SLC4A4: variants seen among roughly 807,000 people sequenced by gnomAD.
SLC4A4 encodes solute carrier family 4 member 4, also known as electrogenic sodium bicarbonate cotransporter 1.
In SLC4A4, 27 loss-of-function variants were observed where a neutral mutation model predicts 111.5. The observed-to-expected ratio is 0.24, with a 90% CI of 0.18 to 0.33. SLC4A4 has a LOEUF of 0.33. Ranked by LOEUF, SLC4A4 falls within the 10% of genes least tolerant of loss-of-function variation. The probability of loss-of-function intolerance (pLI) is 1.00; values close to 1 mark genes in which losing one functional copy is unlikely to be tolerated. For synonymous variants in SLC4A4, 443 were observed against 463.4 expected, an observed-to-expected ratio of 0.96 and a Z score of 0.57; for missense variants, 909 against 1,315.5, an observed-to-expected ratio of 0.69 and a Z score of 4.78.
chr4:71,459,566 A>G (rs930378905), intron 12 of SLC4A4, among the ~76,000 whole-genome samples: 1 of 152,050 alleles, frequency 6.6e-6, no homozygotes, highest in African/African-American at 2.4e-5. Context: ...CACATGATGC[A>G]TGTGCTATTA....
chr4:71,157,118 A>G (rs1744499392), intron 2 of SLC4A4, among the ~76,000 whole-genome samples: 1 of 152,158 alleles, frequency 6.6e-6, no homozygotes, highest in South Asian at 2.1e-4. Flanking sequence ...CCAACCTGCA[A>G]TTATGGAAGG....
chr4:71,133,545 G>A (rs952568019), intron 2 of SLC4A4, among the ~76,000 whole-genome samples: 2 of 152,186 alleles, frequency 1.3e-5, no homozygotes, highest in Admixed American at 6.5e-5. Flanking sequence ...AAGTGGTCCA[G>A]GGTAGTCGTA....
At chr4:71,434,592 T>A (rs1049798619) in intron 7 of SLC4A4, 3 of 151,930 alleles carry the variant, frequency 2.0e-5, no homozygotes, top group African/African-American at 7.2e-5. Flanking sequence ...GGAAACTGGA[T>A]GCACCCTCTT....
At chr4:71,503,735 A>G (rs1731149771) in intron 16 of SLC4A4, among the ~76,000 whole-genome samples, 1 of 152,180 alleles carries the variant, frequency 6.6e-6, no homozygotes, top group Non-Finnish European at 1.5e-5. Context: ...TAGCACCATT[A>G]TAATTCTGTG....
chr4:71,314,418 T>C (rs566384514), intron 3 of SLC4A4, among the ~76,000 whole-genome samples: 15 of 152,326 alleles, frequency 9.8e-5, no homozygotes, highest in Middle Eastern at 3.4e-3. Context: ...CATTACTGGG[T>C]ATATACCCAA....
At position 71,134,024 on chromosome 4, in the gene SLC4A4, G is replaced by A. The variant is rs72858501; in HGVS notation, c.-2+41232G>A. On this transcript the variant is annotated intron_variant, in intron 2 of 26. Transcript: ENST00000649996. Reference sequence around the variant, plus strand: ...GAGTCCTGAATGCATTGAGGTATACGGGATGGTGTGCCAAGGAGGTGGGGA... The same window carrying A: ...GAGTCCTGAATGCATTGAGGTATACAGGATGGTGTGCCAAGGAGGTGGGGA... 6.8e-3 allele frequency among the ~76,000 whole-genome samples: 1,034 copies of A among 152,196 alleles called. 19 individuals are homozygous for A. The highest frequency in any genetic ancestry group is 0.024 in the African/African-American group (995 of 41,546).
At chr4:71,210,480 A>G (rs1378230659) in intron 1 of SLC4A4, among the ~76,000 whole-genome samples, 1 of 152,234 alleles carries the variant, frequency 6.6e-6, no homozygotes, top group South Asian at 2.1e-4. Flanking sequence ...AATGCATTGT[A>G]TGTGTTAAAA....
intron 6 of SLC4A4, among the ~76,000 whole-genome samples, chr4:71,358,150 T>TA (rs1033255120): frequency 5.3e-5 from 8 of 152,074 alleles, no homozygotes; most frequent in African/African-American, 1.9e-4. Flanking sequence ...CCATCTCTAC[T>TA]AAAAAATTAC....
chr4:71,536,099 T>C (rs1443078816), intron 18 of SLC4A4, among the ~76,000 whole-genome samples: 1 of 152,070 alleles, frequency 6.6e-6, no homozygotes, highest in Non-Finnish European at 1.5e-5. Context: ...CACATTCTGG[T>C]AATGTTGGGT....
At chr4:71,459,222 G>T (rs960044932) in intron 12 of SLC4A4, among the ~76,000 whole-genome samples, 2 of 151,904 alleles carry the variant, frequency 1.3e-5, no homozygotes, top group Admixed American at 6.6e-5. Flanking sequence ...AGTGATTTAG[G>T]CAGGGATGTG....
At chr4:71,119,080 A>C (rs1743348667) in intron 2 of SLC4A4, among the ~76,000 whole-genome samples, 1 of 152,212 alleles carries the variant, frequency 6.6e-6, no homozygotes, top group Non-Finnish European at 1.5e-5. Flanking sequence ...ATGATGTGTC[A>C]ATGTAGGTTC....
chr4:71,262,422 G>A (rs1721927821), intron 3 of SLC4A4, among the ~76,000 whole-genome samples: 1 of 152,164 alleles, frequency 6.6e-6, no homozygotes. Context: ...CCATGGATAG[G>A]AGTCTTACTT....
intron 2 of SLC4A4, among the ~76,000 whole-genome samples, chr4:71,167,464 G>T (rs866604348): frequency 2.0e-4 from 31 of 152,326 alleles, no homozygotes; most frequent in Middle Eastern, 3.4e-3. Flanking sequence ...CCTTTTGAAA[G>T]GGGAGTGGCG....
intron 2 of SLC4A4, among the ~76,000 whole-genome samples, chr4:71,149,764 T>C (rs1002967009): frequency 8.5e-5 from 13 of 152,176 alleles, no homozygotes; most frequent in Non-Finnish European, 1.9e-4. Context: ...TGGATGAGAT[T>C]CACTGTTTAC....
chr4:71,089,432 G>A (rs1385685034), intron 1 of SLC4A4, among the ~76,000 whole-genome samples: 1 of 152,046 alleles, frequency 6.6e-6, no homozygotes, highest in Non-Finnish European at 1.5e-5. Flanking sequence ...TTGTTCCATT[G>A]CTGGTGAGGA....
chr4:71,262,825 A>G (rs1721961464), intron 3 of SLC4A4, among the ~76,000 whole-genome samples: 1 of 151,938 alleles, frequency 6.6e-6, no homozygotes, highest in Non-Finnish European at 1.5e-5. Flanking sequence ...TTCTTTGGGA[A>G]TAGAAAAATG....
At chr4:71,466,957 GA>G (rs1560533796) in intron 13 of SLC4A4, among the ~76,000 whole-genome samples, 29 of 124,536 alleles carry the variant, frequency 2.3e-4, no homozygotes, top group East Asian at 8.8e-4. Context: ...GAGAGAGAGA[GA>G]GAGAGAGGGA....
At chr4:71,264,534 C>T (rs145029815) in intron 3 of SLC4A4, among the ~76,000 whole-genome samples, 102 of 152,160 alleles carry the variant, frequency 6.7e-4, no homozygotes, top group African/African-American at 2.4e-3. Context: ...TAGCTGTGTT[C>T]GTTCAAAGCT....
chr4:71,409,330 C>A (rs1428585108), intron 7 of SLC4A4, among the ~76,000 whole-genome samples: 1 of 152,152 alleles, frequency 6.6e-6, no homozygotes, highest in Non-Finnish European at 1.5e-5. Flanking sequence ...TGTTGAATGG[C>A]ATTGACAAAA....
Sources: gnomAD v4.1 joint callset for allele counts (sites outside exome capture counted in the v4.1 genomes callset) on GRCh38, gnomAD v4.1.1 for gene constraint, MANE v1.5 for transcripts, NCBI Gene and HGNC (gene_info 2026-07-23, HGNC 2026-07-21) for gene names.